TRPM3: variants seen among roughly 807,000 people sequenced by gnomAD.
The protein encoded by TRPM3 is long transient receptor potential channel 3.
Under a neutral mutation model 181.2 loss-of-function variants are expected in TRPM3, and 77 were observed. That is an observed-to-expected ratio of 0.42 (90% confidence interval 0.35 to 0.51). The LOEUF (loss-of-function observed/expected upper bound fraction) is 0.51. TRPM3 is among the 20% of genes least tolerant of loss of function. The pLI is 0.01. For synonymous variants in TRPM3, 745 were observed against 796.4 expected (o/e 0.94, Z 1.09); for missense variants, 1,759 against 2,196.7 (o/e 0.80, Z 3.98).
chr9:70,658,720 T>G (rs1214049503), intron 9 of TRPM3, among the ~76,000 whole-genome samples: 1 of 152,026 alleles, frequency 6.6e-6, no homozygotes, highest in Non-Finnish European at 1.5e-5. Flanking sequence ...GAAAGTGGTT[T>G]TATAATCAGC....
chr9:71,094,943 T>C (rs900494843), intron 1 of TRPM3, among the ~76,000 whole-genome samples: 1 of 152,114 alleles, frequency 6.6e-6, no homozygotes, highest in African/African-American at 2.4e-5. Flanking sequence ...AAAAAGACAG[T>C]CATAAGGCTC....
intron 1 of TRPM3, among the ~76,000 whole-genome samples, chr9:71,398,812 C>T (rs2093264246): frequency 2.0e-5 from 3 of 151,968 alleles, no homozygotes; most frequent in Non-Finnish European, 2.9e-5. Flanking sequence ...TAAGAAAAGT[C>T]CTCATAAAAT....
intron 1 of TRPM3, among the ~76,000 whole-genome samples, chr9:71,408,442 A>T (rs1278570909): frequency 6.6e-6 from 1 of 152,234 alleles, no homozygotes; most frequent in East Asian, 1.9e-4. Context: ...ATGGCACGAG[A>T]ACTACGTGAT....
chr9:71,368,393 T>C (rs1357109943), intron 1 of TRPM3, among the ~76,000 whole-genome samples: 2 of 152,174 alleles, frequency 1.3e-5, no homozygotes, highest in African/African-American at 4.8e-5. Context: ...TGAATCGTAC[T>C]GACAGCAAGG....
intron 1 of TRPM3, among the ~76,000 whole-genome samples, chr9:71,146,262 G>A (rs2075401715): frequency 6.6e-6 from 1 of 152,056 alleles, no homozygotes; most frequent in African/African-American, 2.4e-5. Flanking sequence ...TGGAGCTTTC[G>A]AATCACCGTG....
At chr9:70,675,661 A>G (rs2063849610) in intron 9 of TRPM3, among the ~76,000 whole-genome samples, 1 of 152,154 alleles carries the variant, frequency 6.6e-6, no homozygotes, top group South Asian at 2.1e-4. Context: ...TACCCCAGTG[A>G]TATTTCTGGT....
intron 5 of TRPM3, among the ~76,000 whole-genome samples, chr9:70,829,781 G>A (rs540243896): frequency 1.9e-4 from 29 of 152,062 alleles, no homozygotes; most frequent in Non-Finnish European, 3.1e-4. Flanking sequence ...AGAGTCCCCC[G>A]AAACACAGAG....
chr9:70,779,858 G>A (rs760892715), intron 7 of TRPM3, among the ~76,000 whole-genome samples: 1 of 152,172 alleles, frequency 6.6e-6, no homozygotes, highest in Non-Finnish European at 1.5e-5. Context: ...TGACAGATGA[G>A]AAACAGAAAA....
intron 1 of TRPM3, among the ~76,000 whole-genome samples, chr9:70,870,974 TATG>T (rs1444582762): frequency 6.6e-6 from 1 of 151,972 alleles, no homozygotes; most frequent in Non-Finnish European, 1.5e-5. Context: ...AGCTTAACCA[TATG>T]ATAATAGGAG....
intron 8 of TRPM3, among the ~76,000 whole-genome samples, chr9:70,757,684 T>C (rs1339721608): frequency 6.6e-6 from 1 of 152,112 alleles, no homozygotes; most frequent in Non-Finnish European, 1.5e-5. Context: ...CATATGCATA[T>C]CAATAAACAT....
intron 21 of TRPM3, among the ~76,000 whole-genome samples, chr9:70,596,401 T>G (rs983195389): frequency 6.6e-6 from 1 of 152,160 alleles, no homozygotes; most frequent in Non-Finnish European, 1.5e-5. Context: ...AATATTGAGT[T>G]AGCAATGATA....
intron 1 of TRPM3, among the ~76,000 whole-genome samples, chr9:71,368,903 G>A (rs559436237): frequency 5.9e-5 from 9 of 152,156 alleles, no homozygotes; most frequent in South Asian, 2.1e-4. Flanking sequence ...AATGTGTGAC[G>A]AATATAAAAA....
chr9:70,564,918 C>A (rs531699430), intron 22 of TRPM3, among the ~76,000 whole-genome samples: 5 of 152,196 alleles, frequency 3.3e-5, no homozygotes, highest in African/African-American at 1.2e-4. Flanking sequence ...TCTGTACTTA[C>A]AGCTCACGGT....
chr9:71,389,352 G>A (rs553102447), intron 1 of TRPM3, among the ~76,000 whole-genome samples: 19 of 151,902 alleles, frequency 1.3e-4, no homozygotes, highest in South Asian at 4.2e-4. Context: ...GTGTGGATGC[G>A]GTGATCAGGG....
At chr9:70,683,150 C>T (rs1179941438) in intron 8 of TRPM3, among the ~76,000 whole-genome samples, 1 of 152,148 alleles carries the variant, frequency 6.6e-6, no homozygotes. Flanking sequence ...CTGTTTACGT[C>T]CTAAGGTCAG....
At chr9:70,915,080 G>A (rs1008773103) in intron 1 of TRPM3, among the ~76,000 whole-genome samples, 1 of 152,110 alleles carries the variant, frequency 6.6e-6, no homozygotes, top group Non-Finnish European at 1.5e-5. Flanking sequence ...GGCCATCCCA[G>A]AAAACATGGC....
chr9:70,917,951 A>G (rs2096617959), intron 1 of TRPM3, among the ~76,000 whole-genome samples: 1 of 152,170 alleles, frequency 6.6e-6, no homozygotes, highest in African/African-American at 2.4e-5. Context: ...AGGGATGGAA[A>G]AAGATATTTC....
intron 1 of TRPM3, among the ~76,000 whole-genome samples, chr9:70,895,174 C>A (rs940182607): frequency 6.6e-6 from 1 of 152,166 alleles, no homozygotes; most frequent in African/African-American, 2.4e-5. Flanking sequence ...GATCCAGGTT[C>A]TGAAAACAGG....
chr9:70,844,261 C>A (rs992524336), intron 4 of TRPM3, among the ~76,000 whole-genome samples: 1 of 152,068 alleles, frequency 6.6e-6, no homozygotes, highest in Admixed American at 6.6e-5. Flanking sequence ...TTAAGTAACT[C>A]AATACTGAAA....
Sources: allele counts gnomAD v4.1 joint callset (sites outside exome capture counted in the v4.1 genomes callset), GRCh38; gene constraint gnomAD v4.1.1; transcripts MANE v1.5; gene names NCBI Gene and HGNC (gene_info 2026-07-23, HGNC 2026-07-21).